LTBP1: variants seen among roughly 807,000 people sequenced by gnomAD.
LTBP1 encodes latent-transforming growth factor beta-binding protein 1.
Under a neutral mutation model 207.6 loss-of-function variants are expected in LTBP1, and 129 were observed. The observed-to-expected ratio is 0.62, with a 90% CI of 0.54 to 0.72. The LOEUF (loss-of-function observed/expected upper bound fraction) is 0.72. Among genes scored for constraint, LTBP1 ranks in the 30% least tolerant of loss-of-function variants. LTBP1 has a pLI of 0.00. For missense variants in LTBP1, 2,281 were observed against 2,217.2 expected (o/e 1.03, Z -0.58); for synonymous variants, 963 against 833.7 (o/e 1.16, Z -2.67).
intron 22 of LTBP1, among the ~76,000 whole-genome samples, chr2:33,304,143 T>G (rs74926429): frequency 0.015 from 2,265 of 152,352 alleles, 22 homozygotes; most frequent in East Asian, 0.026. Context: ...GATATGACTA[T>G]GTTCCGTAAG....
rs183950591 is a variant in LTBP1 at position 33,024,867 on chromosome 2, G to A, written c.863+3661G>A. Among the ~76,000 whole-genome samples the A allele has an allele frequency of 2.3e-3, 343 of 152,316 alleles. 5 individuals carry two copies. Among genetic ancestry groups the A allele is most frequent in the Admixed American group, 0.02 (301 of 15,296 alleles). ...ATTTATTGACTGACAGTCTGTGTCA[G>A]GAATCCAGGGGCTGCAGCCAAGCAG... is the stretch of plus-strand genomic sequence containing the variant. On this transcript the variant is annotated intron_variant, in intron 3 of 33. Coordinates refer to ENST00000404816, the MANE Select transcript of LTBP1 (RefSeq NM_206943.4).
rs553117567 is a variant in LTBP1 at position 32,954,165 on chromosome 2, G to C, written c.565+5220G>C. 3.3e-5 allele frequency among the ~76,000 whole-genome samples: 5 copies of C among 152,300 alleles called. No homozygotes were observed. The East Asian group carries it at 9.6e-4, about 29-fold the overall frequency. On this transcript the variant is annotated intron_variant, in intron 2 of 33. Coordinates refer to ENST00000404816, the MANE Select transcript of LTBP1 (RefSeq NM_206943.4). ...GGGCTTCCTGGACATCCAGTGCTGTGACATTCTTTCTTGAGGTCTTGGTCT... is the reference window on the plus strand; with the variant it reads ...GGGCTTCCTGGACATCCAGTGCTGTCACATTCTTTCTTGAGGTCTTGGTCT...
intron 4 of LTBP1, among the ~76,000 whole-genome samples, chr2:33,117,272 A>G (rs2080803063): frequency 6.6e-6 from 1 of 152,164 alleles, no homozygotes; most frequent in Non-Finnish European, 1.5e-5. Flanking sequence ...ACTTTTATTA[A>G]TACTATGGTT....
At chr2:33,201,243 A>G (rs2089220550) in intron 7 of LTBP1, among the ~76,000 whole-genome samples, 1 of 152,196 alleles carries the variant, frequency 6.6e-6, no homozygotes, top group East Asian at 1.9e-4. Context: ...GCCAACAATG[A>G]TAGACTGGAT....
At chr2:33,038,221 AT>A (rs952632778) in intron 3 of LTBP1, among the ~76,000 whole-genome samples, 10 of 152,216 alleles carry the variant, frequency 6.6e-5, no homozygotes, top group Non-Finnish European at 1.5e-5. Context: ...CTCACCTGAG[AT>A]TTATGCTGTT....
intron 19 of LTBP1, among the ~76,000 whole-genome samples, chr2:33,288,613 T>G (rs1015404103): frequency 6.6e-6 from 1 of 152,032 alleles, no homozygotes; most frequent in Non-Finnish European, 1.5e-5. Context: ...CTCAGCACTT[T>G]GGGAGGCCGA....
At chr2:33,045,218 G>A (rs1344145894) in intron 3 of LTBP1, among the ~76,000 whole-genome samples, 1 of 152,092 alleles carries the variant, frequency 6.6e-6, no homozygotes, top group Non-Finnish European at 1.5e-5. Context: ...TATTGCCTAG[G>A]TTTTCTTCTA....
intron 3 of LTBP1, among the ~76,000 whole-genome samples, chr2:33,053,550 G>T (rs1202863589): frequency 6.6e-6 from 1 of 152,050 alleles, no homozygotes; most frequent in Non-Finnish European, 1.5e-5. Flanking sequence ...TACTAGATGA[G>T]TATTTGCCGT....
At chr2:33,017,391 G>A (rs1312746397) in intron 2 of LTBP1, among the ~76,000 whole-genome samples, 1 of 152,178 alleles carries the variant, frequency 6.6e-6, no homozygotes, top group East Asian at 1.9e-4. Flanking sequence ...ACGTCGCTTG[G>A]AGGGCAGTCA....
At chr2:33,245,654 A>G (rs940369817) in intron 10 of LTBP1, among the ~76,000 whole-genome samples, 2 of 152,242 alleles carry the variant, frequency 1.3e-5, no homozygotes, top group East Asian at 1.9e-4. Flanking sequence ...TGGAAATTTC[A>G]GGCCAAAAAT....
chr2:33,217,429 C>G lies in LTBP1; in HGVS notation c.1702-123C>G. The G allele has an allele frequency of 7.2e-6, 4 of 552,874 alleles. No homozygotes were observed. In the South Asian group the frequency reaches 1.1e-4, roughly 15 times the overall value. 34.2% of individuals were successfully genotyped at this position (552,874 alleles called of 1,614,324 possible). On this transcript the variant is annotated intron_variant, in intron 7 of 33. Coordinates refer to ENST00000404816, the MANE Select transcript of LTBP1 (RefSeq NM_206943.4). The stretch of plus-strand genomic sequence containing the variant: ...TCTTTCCAAGTTTTATAGTTTTTTT[C>G]CTTTCTAATTGTGTCGATAACAAGG...
intron 3 of LTBP1, among the ~76,000 whole-genome samples, chr2:33,036,591 G>T (rs1273675623): frequency 6.6e-6 from 1 of 152,068 alleles, no homozygotes; most frequent in Non-Finnish European, 1.5e-5. Flanking sequence ...CCAAGTAGCT[G>T]GGATTACAGG....
Position 33,300,548 on chromosome 2 carries a change from G to T in LTBP1, c.3333G>T (p.Leu1111=). ...GCACCTGTGGACAGGGGTACCAGCT[G>T]TCGGCAGCTAAAGACCAGTGTGAAG... ...FRCTCGQGYQ[L]SAAKDQCEDI... The change falls in exon 21 of 34, where the codon CTG becomes CTT. Residue 1111 remains leucine, a synonymous_variant. Coordinates refer to ENST00000404816, the MANE Select transcript of LTBP1 (RefSeq NM_206943.4). 2 of 1,613,636 alleles carry T rather than the reference G, an allele frequency of 1.2e-6. No individual in the cohort carries two copies. Among genetic ancestry groups the T allele is most frequent in the Non-Finnish European group, 8.5e-7 (1 of 1,179,680 alleles).
chr2:33,342,108 A>T (rs2094634430), intron 24 of LTBP1, among the ~76,000 whole-genome samples: 1 of 152,206 alleles, frequency 6.6e-6, no homozygotes, highest in Non-Finnish European at 1.5e-5. Context: ...TCTATCTAAA[A>T]GTCTGTTGTA....
chr2:33,153,052 G>A lies in LTBP1; in HGVS notation c.1201+18092G>A, dbSNP rs533203114. ...TTTGTTGAATATGAAACATATCTAC[G>A]CAGAGAATGCTAGAGTGTAAATGAG... On this transcript the variant is annotated intron_variant, in intron 5 of 33. Transcript: ENST00000404816. Among the ~76,000 whole-genome samples, 29 of 152,278 alleles carry A rather than the reference G, an allele frequency of 1.9e-4. No homozygotes were observed. The South Asian group carries it at 5.6e-3, about 29-fold the overall frequency.
At chr2:33,063,587 T>A (rs1572453536) in intron 3 of LTBP1, among the ~76,000 whole-genome samples, 1 of 152,176 alleles carries the variant, frequency 6.6e-6, no homozygotes, top group East Asian at 1.9e-4. Context: ...ATTCCTTCTC[T>A]GGTAAATTTT....
chr2:33,023,471 G>A (rs2075272610), intron 3 of LTBP1, among the ~76,000 whole-genome samples: 1 of 152,144 alleles, frequency 6.6e-6, no homozygotes, highest in Non-Finnish European at 1.5e-5. Context: ...CTCAGCTTTG[G>A]TAAAATAAAG....
chr2:33,014,391 T>C (rs931461233), intron 2 of LTBP1, among the ~76,000 whole-genome samples: 2 of 152,192 alleles, frequency 1.3e-5, no homozygotes, highest in African/African-American at 4.8e-5. Flanking sequence ...GACCTCATGC[T>C]ATATTTCTTG....
chr2:33,224,011 G>A (rs914671030), intron 9 of LTBP1, among the ~76,000 whole-genome samples: 2 of 152,196 alleles, frequency 1.3e-5, no homozygotes, highest in African/African-American at 2.4e-5. Flanking sequence ...AGGCTGAGAC[G>A]TAATTCCTTT....
Sources: allele counts gnomAD v4.1 joint callset (sites outside exome capture counted in the v4.1 genomes callset), GRCh38; gene constraint gnomAD v4.1.1; transcripts MANE v1.5; gene names NCBI Gene and HGNC (gene_info 2026-07-23, HGNC 2026-07-21).